The following DNAJB14 variants were observed in gnomAD, a reference collection of about 807,000 sequenced individuals.
DNAJB14 encodes the protein DnaJ heat shock protein family (Hsp40) member B14, also known as dnaJ homolog subfamily B member 14.
In DNAJB14, 22 loss-of-function variants were observed where a neutral mutation model predicts 48.4. That is an observed-to-expected ratio of 0.45 (90% CI 0.32 to 0.65). The LOEUF is 0.65. Ranked by LOEUF, DNAJB14 falls within the 30% of genes least tolerant of loss-of-function variation. The pLI, the probability that DNAJB14 is intolerant of heterozygous loss-of-function variation, is 0.03. For synonymous variants in DNAJB14, 142 were observed against 158.7 expected (o/e 0.89, Z 0.79); for missense variants, 319 against 458.8 (o/e 0.70, Z 2.78).
At chr4:99,916,906 G>A (rs1350542438) in intron 3 of DNAJB14, among the ~76,000 whole-genome samples, 1 of 151,916 alleles carries the variant, frequency 6.6e-6, no homozygotes, top group East Asian at 1.9e-4. Flanking sequence ...AGGCTGAGGC[G>A]GATGGATCAT....
intron 1 of DNAJB14, among the ~76,000 whole-genome samples, chr4:99,943,586 C>T (rs1047774828): frequency 1.3e-5 from 2 of 152,148 alleles, no homozygotes; most frequent in Non-Finnish European, 2.9e-5. Flanking sequence ...CACAACAGCA[C>T]TATGAGATCA....
At chr4:99,932,274 T>G (rs1291034429) in intron 1 of DNAJB14, among the ~76,000 whole-genome samples, 1 of 151,786 alleles carries the variant, frequency 6.6e-6, no homozygotes, top group African/African-American at 2.4e-5. Flanking sequence ...CAAAAAAAAG[T>G]ATCCAGAATA....
At chr4:99,924,632 C>A in intron 2 of DNAJB14, 2 of 1,170,198 alleles carry the variant, frequency 1.7e-6, no homozygotes, top group Non-Finnish European at 2.4e-6. Flanking sequence ...GTGTTCTAGG[C>A]ATTTGACATA....
intron 3 of DNAJB14, among the ~76,000 whole-genome samples, chr4:99,917,057 C>T (rs901228881): frequency 3.3e-5 from 5 of 152,188 alleles, no homozygotes; most frequent in Non-Finnish European, 7.4e-5. Context: ...ATCGCTTGAA[C>T]CTGGGAGGCG....
At chr4:99,923,754 G>T in intron 2 of DNAJB14, 1 of 961,830 alleles carries the variant, frequency 1.0e-6, no homozygotes, top group Non-Finnish European at 1.2e-6. Context: ...GCTGAGGCTA[G>T]TCTTGAAATT....
chr4:99,924,905 G>A (rs770245682), intron 2 of DNAJB14: 17 of 823,974 alleles, frequency 2.1e-5, no homozygotes, highest in Admixed American at 7.6e-5. Context: ...AAATCTGACC[G>A]AAAAGATGTG....
intron 3 of DNAJB14, among the ~76,000 whole-genome samples, chr4:99,911,721 C>T (rs1480742334): frequency 1.3e-5 from 2 of 152,014 alleles, no homozygotes; most frequent in Non-Finnish European, 2.9e-5. Context: ...TTTTTTTGCC[C>T]ATTCTAATTG....
At chr4:99,925,456 T>C (rs1381568889) in intron 2 of DNAJB14, 4 of 152,156 alleles carry the variant, frequency 2.6e-5, no homozygotes, top group Admixed American at 6.6e-5. Flanking sequence ...AATTTTATTA[T>C]ACTGATTATT....
At chr4:99,905,157 G>C (rs1725420725) in intron 6 of DNAJB14, among the ~76,000 whole-genome samples, 1 of 151,700 alleles carries the variant, frequency 6.6e-6, no homozygotes, top group Non-Finnish European at 1.5e-5. Flanking sequence ...AAAGTATATG[G>C]TGAAAAAAAT....
chr4:99,902,311 G>C (rs916063324), intron 7 of DNAJB14, among the ~76,000 whole-genome samples: 1 of 149,506 alleles, frequency 6.7e-6, no homozygotes, highest in Non-Finnish European at 1.5e-5. Flanking sequence ...CTAGATGCTA[G>C]TAGCAATCCC....
chr4:99,908,749 T>C lies in DNAJB14; in HGVS notation c.599A>G (p.Asp200Gly). ...ACCCCCAAAAAATATATTAAACAAG[T>C]CTTCTGGAGTTATATCAGCTTCACA... ...RGCEADITPE[D>G]LFNIFFGGGF... The change falls in exon 4 of 8, where the codon GAC (aspartate) becomes GGC (glycine). Residue 200 changes from aspartate (D) to glycine (G), a missense_variant. Asp to Gly is a moderately conservative substitution (Grantham distance 94, BLOSUM62 -1). This residue lies in a region of DNAJB14 where 166 missense variants were observed against 236.3 expected (regional missense o/e 0.70). Coordinates refer to ENST00000442697, the MANE Select transcript of DNAJB14 (RefSeq NM_001031723.4). The C allele has an allele frequency of 6.2e-7, 1 of 1,601,442 alleles. No individual in the cohort carries two copies. The highest frequency in any genetic ancestry group is 1.7e-5 in the Admixed American group (1 of 57,330).
chr4:99,912,961 GTAT>G (rs1725717040), intron 3 of DNAJB14, among the ~76,000 whole-genome samples: 1 of 152,122 alleles, frequency 6.6e-6, no homozygotes, highest in Non-Finnish European at 1.5e-5. Context: ...AAATGCTAAT[GTAT>G]TATTAATTTT....
intron 7 of DNAJB14, among the ~76,000 whole-genome samples, chr4:99,902,510 A>T (rs914893334): frequency 2.1e-4 from 32 of 152,142 alleles, no homozygotes; most frequent in African/African-American, 6.3e-4. Context: ...TTAGAAGTCA[A>T]AGAGGTCACA....
At chr4:99,937,703 G>A (rs1204626332) in intron 1 of DNAJB14, among the ~76,000 whole-genome samples, 3 of 151,806 alleles carry the variant, frequency 2.0e-5, no homozygotes, top group African/African-American at 4.8e-5. Flanking sequence ...TCCAGTCTGG[G>A]TGACAAAGTG....
chr4:99,913,889 A>G (rs1294716246), intron 3 of DNAJB14, among the ~76,000 whole-genome samples: 1 of 152,144 alleles, frequency 6.6e-6, no homozygotes, highest in African/African-American at 2.4e-5. Flanking sequence ...GCTATAGAAA[A>G]ATACCTGAGA....
intron 3 of DNAJB14, among the ~76,000 whole-genome samples, chr4:99,913,308 C>A (rs1439527273): frequency 6.6e-6 from 1 of 152,186 alleles, no homozygotes; most frequent in Non-Finnish European, 1.5e-5. Flanking sequence ...TGTTAGCTTA[C>A]AGGAGTTCTG....
chr4:99,898,946 TA>T lies in DNAJB14; in HGVS notation c.*2081del, dbSNP rs974107393. The T allele has an allele frequency of 1.3e-5, 2 of 151,972 alleles. No homozygotes were observed. Among genetic ancestry groups the T allele is most frequent in the Admixed American group, 6.6e-5 (1 of 15,252 alleles). The allele number at this position is 151,972 out of a possible 1,614,324, so 9.4% of individuals were successfully genotyped here. A position where few individuals can be genotyped will look rare whatever the true frequency, so the allele number is the denominator to read the frequency against. On this transcript the variant is annotated 3_prime_UTR_variant, in exon 8 of 8. Coordinates refer to ENST00000442697, the MANE Select transcript of DNAJB14 (RefSeq NM_001031723.4). ...TTACTTGCATACTTCATATGTGGCTTAAATTGTCAGGCACTCAGTCTGTCAT... is the reference window on the plus strand; with the variant it reads ...TTACTTGCATACTTCATATGTGGCTTAATTGTCAGGCACTCAGTCTGTCAT...
rs1390994934 is a variant in DNAJB14 at position 99,903,872 on chromosome 4, T to C, written c.869A>G (p.Gln290Arg). Residue 290 changes from glutamine (Q) to arginine (R), a missense_variant, in exon 7 of 8, where the codon CAA (glutamine) becomes CGA (arginine). By Grantham distance (43) the Gln-to-Arg change is conservative. Coordinates refer to ENST00000442697, the MANE Select transcript of DNAJB14 (RefSeq NM_001031723.4). ...RSGTGQTIKM[Q>R]TENLGVVYYV... ...ATAAACAACACCCAAGTTTTCTGTT[T>C]GCATTTTAATAGTTTGCCCAGTTCC... is the stretch of plus-strand genomic sequence containing the variant. The C allele has an allele frequency of 6.2e-7, 1 of 1,612,258 alleles. No homozygotes were observed. The highest frequency in any genetic ancestry group is 1.7e-5 in the Admixed American group (1 of 59,624).
chr4:99,933,951 C>A (rs1025866669), intron 1 of DNAJB14, among the ~76,000 whole-genome samples: 9 of 151,860 alleles, frequency 5.9e-5, no homozygotes, highest in Non-Finnish European at 2.9e-5. Flanking sequence ...ACAGGCAAAA[C>A]TGGGAAAAGT....
Sources: gnomAD v4.1 joint callset for allele counts (sites outside exome capture counted in the v4.1 genomes callset) on GRCh38, gnomAD v4.1.1 for gene constraint, gnomAD v4.1.1 regional missense constraint, MANE v1.5 for transcripts, NCBI Gene and HGNC (gene_info 2026-07-23, HGNC 2026-07-21) for gene names.